MYO1H: variants seen among roughly 807,000 people sequenced by gnomAD.
The protein encoded by MYO1H is unconventional myosin-Ih.
Under a neutral mutation model 149.3 loss-of-function variants are expected in MYO1H, and 118 were observed. The observed-to-expected ratio is 0.79, with a 90% CI of 0.68 to 0.92. The LOEUF is 0.92. MYO1H is among the 40% of genes least tolerant of loss of function. MYO1H has a pLI of 0.00. For missense variants in MYO1H, 1,212 were observed against 1,280.7 expected (o/e 0.95, Z 0.82); for synonymous variants, 447 against 465.2 (o/e 0.96, Z 0.50).
intron 5 of MYO1H, among the ~76,000 whole-genome samples, chr12:109,398,401 G>A (rs1870009473): frequency 6.6e-6 from 1 of 152,124 alleles, no homozygotes; most frequent in Admixed American, 6.5e-5. Flanking sequence ...GATGGGTCTT[G>A]GGAACATACT....
intron 19 of MYO1H, among the ~76,000 whole-genome samples, chr12:109,430,878 A>G (rs1471281419): frequency 6.6e-6 from 1 of 152,174 alleles, no homozygotes; most frequent in East Asian, 1.9e-4. Context: ...GTGAGCTGAT[A>G]TCGCACCACT....
At chr12:109,373,674 G>GTCTAGT in intron 1 of MYO1H, among the ~76,000 whole-genome samples, 1 of 152,080 alleles carries the variant, frequency 6.6e-6, no homozygotes, top group East Asian at 1.9e-4. Flanking sequence ...GATGAGCTTG[G>GTCTAGT]TCTAGTTACT....
intron 31 of MYO1H, among the ~76,000 whole-genome samples, chr12:109,446,878 T>C (rs1049508367): frequency 3.0e-4 from 45 of 152,250 alleles, no homozygotes; most frequent in African/African-American, 1.1e-3. Context: ...GGTGTCTTTT[T>C]AGTTTACACA....
chr12:109,374,812 T>A (rs1205250341), intron 1 of MYO1H, among the ~76,000 whole-genome samples: 1 of 152,142 alleles, frequency 6.6e-6, no homozygotes, highest in Non-Finnish European at 1.5e-5. Context: ...AAAATTATAT[T>A]CCGGTGCATA....
At chr12:109,334,620 T>A in the MYO1H span, among the ~76,000 whole-genome samples, 3 of 152,368 alleles carry the variant, frequency 2.0e-5, no homozygotes, top group Non-Finnish European at 4.4e-5. Flanking sequence ...TTCCTTCTCC[T>A]TTTTAGCAGG....
At chr12:109,402,540 G>A (rs1378348877) in intron 6 of MYO1H, among the ~76,000 whole-genome samples, 1 of 152,190 alleles carries the variant, frequency 6.6e-6, no homozygotes, top group East Asian at 1.9e-4. Flanking sequence ...GGCCAAGGCA[G>A]GAGGATCGCT....
chr12:109,333,739 G>A, the MYO1H span, among the ~76,000 whole-genome samples: 5 of 152,256 alleles, frequency 3.3e-5, no homozygotes, highest in East Asian at 7.7e-4. Context: ...TATGATGCGG[G>A]TACATCTGGA....
rs373717250 is a variant in MYO1H, at chr12:109,401,240, C to T, written c.718C>T (p.Arg240Ter). The T allele has an allele frequency of 3.7e-6, 6 of 1,613,002 alleles. No individual in the cohort carries two copies. Among genetic ancestry groups the T allele is most frequent in the East Asian group, 2.2e-5 (1 of 44,882 alleles). Residue 240 changes from arginine to a stop codon, truncating the protein, a stop_gained, in exon 6 of 32, where the codon CGA (arginine) becomes TGA (stop). Transcript: ENST00000310903. LOFTEE classifies it high-confidence loss of function. ...GCGCCTGTCTTACCTGGGACTCGAG[C>T]GAGACCCCCAGCTGTATAAATACCT...
chr12:109,415,607 A>G, exon 15 of MYO1H: 2 of 1,600,934 alleles, frequency 1.2e-6, no homozygotes, highest in Non-Finnish European at 1.7e-6. Flanking sequence ...GAGAGGTCAC[A>G]TACTGCACCA....
chr12:109,376,725 G>A (rs1177812339), intron 1 of MYO1H, among the ~76,000 whole-genome samples: 1 of 152,206 alleles, frequency 6.6e-6, no homozygotes, highest in Non-Finnish European at 1.5e-5. Flanking sequence ...AACTAGTAGA[G>A]CAAGTCATCA....
At chr12:109,376,049 CT>C (rs1869081227) in intron 1 of MYO1H, among the ~76,000 whole-genome samples, 2 of 152,330 alleles carry the variant, frequency 1.3e-5, no homozygotes, top group Middle Eastern at 6.8e-3. Context: ...TCTATATTCT[CT>C]TCTAAAGCTT....
the MYO1H span, among the ~76,000 whole-genome samples, chr12:109,331,322 T>C: frequency 6.6e-6 from 1 of 152,252 alleles, no homozygotes. Context: ...ATTTTTAACA[T>C]GCTCTTCATC....
At chr12:109,406,520 C>T (rs531098881) in intron 8 of MYO1H, among the ~76,000 whole-genome samples, 2 of 141,578 alleles carry the variant, frequency 1.4e-5, no homozygotes, top group East Asian at 4.3e-4. Flanking sequence ...AATGGTGGCA[C>T]ACACCTGTAG....
At chr12:109,328,141 CAT>C in the MYO1H span, among the ~76,000 whole-genome samples, 113 of 142,472 alleles carry the variant, frequency 7.9e-4, no homozygotes, top group African/African-American at 2.0e-3. Flanking sequence ...CACACACACG[CAT>C]ATATATATAT....
intron 10 of MYO1H, 33 bp downstream of exon 10, chr12:109,407,946 G>A: frequency 6.2e-7 from 1 of 1,601,408 alleles, no homozygotes; most frequent in Non-Finnish European, 8.5e-7. Context: ...CCTTGCTCTT[G>A]CTCACGTGGT....
chr12:109,334,548 A>C, the MYO1H span, among the ~76,000 whole-genome samples: 3 of 152,234 alleles, frequency 2.0e-5, no homozygotes, highest in Admixed American at 1.3e-4. Context: ...CATCTAGGAA[A>C]GCCAGGACCA....
chr12:109,395,914 A>ATGT (rs142541282), intron 3 of MYO1H, among the ~76,000 whole-genome samples: 5,877 of 116,362 alleles, frequency 0.051, 124 homozygotes, highest in Middle Eastern at 0.075. Context: ...GTTGTTGTTG[A>ATGT]TGTTGTTGTT....
rs527976597 is a variant in MYO1H, at chr12:109,439,974, A to G, written c.2454+184A>G. Among the ~76,000 whole-genome samples, 5 of 152,238 alleles carry G rather than the reference A, an allele frequency of 3.3e-5. No individual in the cohort carries two copies. The South Asian group carries it at 1.0e-3, about 32-fold the overall frequency. On this transcript the variant is annotated intron_variant, in intron 24 of 31. Coordinates refer to ENST00000310903, the Ensembl canonical transcript of MYO1H. ...AATTTGCGATGTCCTTAGTAGCATT[A>G]TAAAGCCACTGGAGTGTCCTTAGTA...
intron 15 of MYO1H, among the ~76,000 whole-genome samples, chr12:109,416,377 TG>T (rs1404978481): frequency 1.0e-4 from 13 of 126,540 alleles, no homozygotes; most frequent in South Asian, 2.3e-4. Context: ...CTGTTGTTGT[TG>T]GTTTTTTTTT....
Sources: gnomAD v4.1 joint callset for allele counts (sites outside exome capture counted in the v4.1 genomes callset) on GRCh38, gnomAD v4.1.1 for gene constraint, MANE v1.5 for transcripts, NCBI Gene and HGNC (gene_info 2026-07-23, HGNC 2026-07-21) for gene names.